Variants in KRT7 observed in about 807,000 individuals in gnomAD.
KRT7 encodes the protein keratin 7, also known as keratin, type II cytoskeletal 7.
In KRT7, 50 loss-of-function variants were observed where a neutral mutation model predicts 42.8. That is an observed-to-expected ratio of 1.17 (90% confidence interval 0.93 to 1.48). The LOEUF (loss-of-function observed/expected upper bound fraction) is 1.48, where lower values mean the gene tolerates loss of function less well. KRT7 is among the 40% of genes most tolerant of loss of function. The probability of loss-of-function intolerance (pLI) is 0.00; values close to 1 mark genes in which losing one functional copy is unlikely to be tolerated. For synonymous variants in KRT7, 268 were observed against 266.3 expected, an observed-to-expected ratio of 1.01 and a Z score of -0.06; for missense variants, 588 against 637.6, an observed-to-expected ratio of 0.92 and a Z score of 0.84.
At chr12:52,250,987 T>C (rs1228764129), downstream of KRT7, among the ~76,000 whole-genome samples, 1 of 152,210 alleles carries the variant, frequency 6.6e-6, no homozygotes, top group Non-Finnish European at 1.5e-5. Context: ...TTATTTTTTA[T>C]TTTTATTTTT....
chr12:52,245,694 A>C, intron 7 of KRT7, 62 bp downstream of exon 7: 1 of 1,597,156 alleles, frequency 6.3e-7, no homozygotes, highest in African/African-American at 1.3e-5. Context: ...GGGGCTTGAC[A>C]TTCATCCATT....
At chr12:52,235,061 G>A in intron 1 of KRT7, 94 bp from the exon 2 acceptor site, 2 of 1,188,038 alleles carry the variant, frequency 1.7e-6, no homozygotes, top group East Asian at 2.4e-5. Flanking sequence ...GGGGAGCATG[G>A]CTCTGCTAAG....
chr12:52,243,992 TGGGGTTGGA>T (rs1263690015), intron 6 of KRT7, among the ~76,000 whole-genome samples: 2 of 152,190 alleles, frequency 1.3e-5, no homozygotes, highest in Non-Finnish European at 2.9e-5. Context: ...TGCTGGAAGC[TGGGGTTGGA>T]GGTGTTGATG....
In KRT7 at chr12:52,243,072, G is replaced by A. The variant is rs1220917749; in HGVS notation, c.919G>A (p.Glu307Lys). The A allele has an allele frequency of 1.9e-6, 3 of 1,614,014 alleles. No individual in the cohort carries two copies. The highest frequency in any genetic ancestry group is 2.2e-5 in the East Asian group (1 of 44,872). The change falls in exon 6 of 9, where the codon GAG becomes AAG. Residue 307 changes from glutamate to lysine, a missense_variant. Glu to Lys is a moderately conservative substitution (Grantham distance 56, BLOSUM62 1). Coordinates refer to ENST00000331817, the MANE Select transcript of KRT7 (RefSeq NM_005556.4). ...HGDDLRNTRNEISEMNRAIQR... is the reference protein window; with the variant it reads ...HGDDLRNTRNKISEMNRAIQR... ...GGACGACCTCCGGAATACCCGGAAT[G>A]AGATTTCAGAGATGAACCGGGCCAT... is the stretch of plus-strand genomic sequence containing the variant.
At chr12:52,233,904 G>C (rs1310801595) in intron 1 of KRT7, among the ~76,000 whole-genome samples, 2 of 152,182 alleles carry the variant, frequency 1.3e-5, no homozygotes, top group East Asian at 1.9e-4. Context: ...TGCCCTCGCT[G>C]GCTGCCTGTT....
chr12:52,254,861 T>C (rs1017711739), downstream of KRT7, among the ~76,000 whole-genome samples: 3 of 152,134 alleles, frequency 2.0e-5, no homozygotes, highest in African/African-American at 7.2e-5. Flanking sequence ...CATATGGAGG[T>C]GGCTGGAAGG....
rs770016408 is a variant in KRT7 at position 52,245,498 on chromosome 12, G to A, written c.1071G>A (p.Leu357=). 34 of 1,613,896 alleles carry A rather than the reference G, an allele frequency of 2.1e-5. No homozygotes were observed. Among genetic ancestry groups the A allele is most frequent in the Admixed American group, 1.3e-4 (8 of 59,996 alleles). Residue 357 remains leucine, a synonymous_variant, in exon 7 of 9, where the codon CTG becomes CTA. Coordinates refer to ENST00000331817, the MANE Select transcript of KRT7 (RefSeq NM_005556.4). ...ATGCTCGTGCCAAGCAGGAGGAGCTGGAAGCCGCCCTGCAGCGGGGCAAGC... is the reference window on the plus strand; with the variant it reads ...ATGCTCGTGCCAAGCAGGAGGAGCTAGAAGCCGCCCTGCAGCGGGGCAAGC... ...LKDARAKQEE[L]EAALQRGKQD...
chr12:52,235,091 T>G, intron 1 of KRT7, 64 bp from the exon 2 acceptor site: 1 of 1,500,232 alleles, frequency 6.7e-7, no homozygotes, highest in Non-Finnish European at 9.2e-7. Context: ...ATGATGTTCC[T>G]CAATCCCGCT....
At chr12:52,238,438 G>A (rs1942039385) in intron 3 of KRT7, among the ~76,000 whole-genome samples, 1 of 152,192 alleles carries the variant, frequency 6.6e-6, no homozygotes, top group Non-Finnish European at 1.5e-5. Context: ...AACTGGTCAA[G>A]TGCTAGGTTG....
At chr12:52,240,279 A>G (rs998068429) in intron 4 of KRT7, among the ~76,000 whole-genome samples, 2 of 152,268 alleles carry the variant, frequency 1.3e-5, no homozygotes, top group Non-Finnish European at 2.9e-5. Context: ...TTTCATGGTG[A>G]AAGTAATACA....
intron 4 of KRT7, among the ~76,000 whole-genome samples, chr12:52,239,147 G>C (rs1565718593): frequency 6.6e-6 from 1 of 151,988 alleles, no homozygotes; most frequent in African/African-American, 2.4e-5. Context: ...AGGTTGTCTT[G>C]CTGCATTTTA....
At chr12:52,254,593 A>T (rs1942314920), downstream of KRT7, among the ~76,000 whole-genome samples, 1 of 152,210 alleles carries the variant, frequency 6.6e-6, no homozygotes, top group Non-Finnish European at 1.5e-5. Context: ...GTTTGCAGGT[A>T]CTTCCTCTGG....
chr12:52,233,507 A>C lies in KRT7; in HGVS notation c.211A>C (p.Ser71Arg), dbSNP rs771165304. 36 of 1,612,526 alleles carry C rather than the reference A, an allele frequency of 2.2e-5. No homozygotes were observed. In the South Asian group the frequency reaches 4.0e-4, roughly 18 times the overall value. ...AGIREVTINQ[S>R]LLAPLRLDAD... ...CATCCGCGAGGTCACCATTAACCAG[A>C]GCCTGCTGGCCCCGCTGCGGCTGGA... Residue 71 changes from serine to arginine, a missense_variant, in exon 1 of 9, where the codon AGC becomes CGC. Coordinates refer to ENST00000331817, the MANE Select transcript of KRT7 (RefSeq NM_005556.4).
chr12:52,235,238 C>T lies in KRT7; in HGVS notation c.408C>T (p.Arg136=). The T allele has an allele frequency of 1.2e-6, 2 of 1,614,186 alleles. No homozygotes were observed. Among genetic ancestry groups the T allele is most frequent in the Non-Finnish European group, 1.7e-6 (2 of 1,180,008 alleles). The part of the protein sequence containing the change: ...LQEQKSAKSS[R]LPDIFEAQIA... ...AGCAGAAGTCGGCCAAGAGCAGCCG[C>T]CTCCCAGACATCTTTGAGGCCCAGA... Residue 136 remains arginine (R), a synonymous_variant, in exon 2 of 9, where the codon CGC becomes CGT. Transcript: ENST00000331817.
downstream of KRT7, chr12:52,252,526 A>AG: frequency 6.2e-7 from 1 of 1,603,060 alleles, no homozygotes; most frequent in Non-Finnish European, 8.5e-7. Context: ...TTCTGGCTTC[A>AG]GGGTCAGAGG....
rs998605105 is a variant in KRT7, at chr12:52,233,640, G to C, written c.324+20G>C. 6.2e-7 allele frequency: 1 copy of C among 1,610,192 alleles called. No individual in the cohort carries two copies. The highest frequency in any genetic ancestry group is 8.5e-7 in the Non-Finnish European group (1 of 1,178,134). ...GACAAGGTGAGCGGGACTGGACCTC[G>C]CCTCTCCTCGAGCCGCGCTCCAGAC... On this transcript the variant is annotated intron_variant, in intron 1 of 8. Transcript: ENST00000331817.
chr12:52,244,175 A>G (rs1942136146), intron 6 of KRT7, among the ~76,000 whole-genome samples: 1 of 152,244 alleles, frequency 6.6e-6, no homozygotes, highest in African/African-American at 2.4e-5. Flanking sequence ...TGATTTACCC[A>G]CAAATGTCCT....
rs762637585 is a variant in KRT7, at chr12:52,245,514, C to A, written c.1087C>A (p.Arg363=). ...GGAGGAGCTGGAAGCCGCCCTGCAG[C>A]GGGGCAAGCAGGATATGGCACGGCA... is the stretch of plus-strand genomic sequence containing the variant. ...KQEELEAALQ[R]GKQDMARQLR... is the part of the protein sequence containing the mutation. Residue 363 remains arginine (R), a synonymous_variant, in exon 7 of 9, where the codon CGG becomes AGG. Coordinates refer to ENST00000331817, the MANE Select transcript of KRT7 (RefSeq NM_005556.4). 4.3e-6 allele frequency: 7 copies of A among 1,614,010 alleles called. 1 individual carries two copies. In the South Asian group the frequency reaches 4.4e-5, roughly 10 times the overall value.
At chr12:52,235,634 C>A (rs918359738) in intron 2 of KRT7, among the ~76,000 whole-genome samples, 16 of 152,212 alleles carry the variant, frequency 1.1e-4, no homozygotes, top group Non-Finnish European at 2.2e-4. Flanking sequence ...GCACTGTCTC[C>A]TTTGGGTGTC....
Sources: allele counts gnomAD v4.1 joint callset (sites outside exome capture counted in the v4.1 genomes callset), GRCh38; gene constraint gnomAD v4.1.1; transcripts MANE v1.5; gene names NCBI Gene and HGNC (gene_info 2026-07-23, HGNC 2026-07-21).